Variants in SLMAP observed in about 807,000 individuals in gnomAD.
The protein encoded by SLMAP is sarcolemmal membrane-associated protein.
Under a neutral mutation model 128.8 loss-of-function variants are expected in SLMAP, and 44 were observed. The ratio of observed to expected loss-of-function variants is 0.34; its 90% CI spans 0.27 to 0.44. The LOEUF (loss-of-function observed/expected upper bound fraction) is 0.44. SLMAP is among the 20% of genes least tolerant of loss of function. The pLI is 1.00. For synonymous variants in SLMAP, 327 were observed against 348.8 expected (o/e 0.94, Z 0.70); for missense variants, 787 against 985.3 (o/e 0.80, Z 2.69).
chr3:57,829,306 G>A (rs906279868), intron 2 of SLMAP, among the ~76,000 whole-genome samples: 3 of 150,812 alleles, frequency 2.0e-5, no homozygotes, highest in African/African-American at 7.3e-5. Context: ...AATGCTAGTT[G>A]CAACTCACTA....
At chr3:57,816,054 C>T (rs1391804876) in intron 2 of SLMAP, among the ~76,000 whole-genome samples, 1 of 152,132 alleles carries the variant, frequency 6.6e-6, no homozygotes. Context: ...AAGGGAGGCT[C>T]AAAGAGGTTA....
intron 2 of SLMAP, among the ~76,000 whole-genome samples, chr3:57,798,998 A>G (rs1275546138): frequency 6.6e-6 from 1 of 152,134 alleles, no homozygotes; most frequent in African/African-American, 2.4e-5. Flanking sequence ...ATTATATTTT[A>G]ATATATTTAA....
At chr3:57,911,923 TAAAAAAAAA>T (rs57106769) in intron 19 of SLMAP, among the ~76,000 whole-genome samples, 2 of 52,370 alleles carry the variant, frequency 3.8e-5, no homozygotes, top group Admixed American at 4.8e-4. Context: ...GGATTCACCC[TAAAAAAAAA>T]AAAAAAAAAA....
intron 2 of SLMAP, among the ~76,000 whole-genome samples, chr3:57,793,791 G>C (rs2086061261): frequency 6.6e-6 from 1 of 151,798 alleles, no homozygotes; most frequent in African/African-American, 2.4e-5. Context: ...CTGGTGCGGT[G>C]ACTCATGCCT....
At chr3:57,771,788 G>T (rs1007839638) in intron 2 of SLMAP, among the ~76,000 whole-genome samples, 1 of 152,066 alleles carries the variant, frequency 6.6e-6, no homozygotes, top group Non-Finnish European at 1.5e-5. Context: ...TTTTGAATGC[G>T]TGAAACTTTT....
At chr3:57,896,118 T>A (rs1339272000) in intron 15 of SLMAP, 1 of 403,226 alleles carries the variant, frequency 2.5e-6, no homozygotes. Flanking sequence ...TTCTTACTAG[T>A]GTTTTTATGT....
chr3:57,905,198 A>G (rs1303783659), intron 17 of SLMAP, among the ~76,000 whole-genome samples: 2 of 151,108 alleles, frequency 1.3e-5, no homozygotes, highest in African/African-American at 5.0e-5. Context: ...GCAGTTGCAC[A>G]CATATCTATA....
intron 2 of SLMAP, among the ~76,000 whole-genome samples, chr3:57,779,542 A>G (rs1433299750): frequency 6.6e-6 from 1 of 151,790 alleles, no homozygotes; most frequent in Non-Finnish European, 1.5e-5. Flanking sequence ...TAAAATAAAA[A>G]TGAAAAATCA....
chr3:57,762,471 G>A (rs576819614), intron 2 of SLMAP, among the ~76,000 whole-genome samples: 2 of 152,202 alleles, frequency 1.3e-5, no homozygotes, highest in East Asian at 3.9e-4. Context: ...GTAGGCAGGT[G>A]GAAATCTAAG....
chr3:57,866,498 A>C (rs544342257), intron 13 of SLMAP, among the ~76,000 whole-genome samples: 1 of 152,280 alleles, frequency 6.6e-6, no homozygotes, highest in East Asian at 1.9e-4. Flanking sequence ...TTGCATATGT[A>C]ATGAATTTTG....
At chr3:57,849,954 C>T (rs1010913374) in intron 6 of SLMAP, 138 bp downstream of exon 6, 1 of 608,186 alleles carries the variant, frequency 1.6e-6, no homozygotes, top group African/African-American at 1.9e-5. Flanking sequence ...CAGAAGGATT[C>T]TTTGAGGCCA....
intron 2 of SLMAP, among the ~76,000 whole-genome samples, chr3:57,763,043 T>C (rs2079004108): frequency 6.6e-6 from 1 of 152,020 alleles, no homozygotes; most frequent in Non-Finnish European, 1.5e-5. Context: ...TATTAATTCC[T>C]CTGTTGATTC....
At chr3:57,891,560 C>T (rs2096070437) in intron 15 of SLMAP, among the ~76,000 whole-genome samples, 1 of 149,046 alleles carries the variant, frequency 6.7e-6, no homozygotes, top group Non-Finnish European at 1.5e-5. Flanking sequence ...AACAATTCCA[C>T]TTTTGGGTTT....
At chr3:57,921,420 A>C (rs140161595) in intron 22 of SLMAP, among the ~76,000 whole-genome samples, 2 of 152,104 alleles carry the variant, frequency 1.3e-5, no homozygotes, top group Non-Finnish European at 2.9e-5. Context: ...CTAGGCCAGG[A>C]GTTCAAGACC....
At chr3:57,894,747 A>T (rs1433098150) in intron 15 of SLMAP, among the ~76,000 whole-genome samples, 2 of 152,216 alleles carry the variant, frequency 1.3e-5, no homozygotes, top group African/African-American at 4.8e-5. Context: ...AAGTAGAGAA[A>T]ATGGCTCTTT....
intron 4 of SLMAP, among the ~76,000 whole-genome samples, chr3:57,844,711 C>CTTTT (rs35011644): frequency 3.3e-5 from 3 of 92,264 alleles, no homozygotes; most frequent in Admixed American, 1.4e-4. Context: ...TCTATTTAGA[C>CTTTT]TTTTTTTTTT....
chr3:57,857,961 C>T, intron 7 of SLMAP, 127 bp from the exon 8 acceptor site: 2 of 923,270 alleles, frequency 2.2e-6, no homozygotes, highest in Non-Finnish European at 3.4e-6. Context: ...GAAGATTTAG[C>T]ATTTTACAGT....
intron 14 of SLMAP, among the ~76,000 whole-genome samples, chr3:57,880,326 T>C (rs1443200421): frequency 6.6e-6 from 1 of 151,932 alleles, no homozygotes; most frequent in Non-Finnish European, 1.5e-5. Context: ...CTCGGCCTCC[T>C]GAGTAGCTGG....
chr3:57,906,666 G>GAAAA (rs1206959758), intron 17 of SLMAP, among the ~76,000 whole-genome samples: 9 of 24,728 alleles, frequency 3.6e-4, no homozygotes, highest in African/African-American at 9.2e-4. Context: ...CTATGAATAT[G>GAAAA]AAAAAAAAAT....
Sources: allele counts gnomAD v4.1 joint callset (sites outside exome capture counted in the v4.1 genomes callset), GRCh38; gene constraint gnomAD v4.1.1; transcripts MANE v1.5; gene names NCBI Gene and HGNC (gene_info 2026-07-23, HGNC 2026-07-21).